The following HK1 variants were observed in gnomAD, a reference collection of about 807,000 sequenced individuals.
HK1 encodes the protein hexokinase 1, also known as hexokinase-1.
Under a neutral mutation model 91.6 loss-of-function variants are expected in HK1, and 28 were observed. The observed-to-expected ratio is 0.31, with a 90% CI of 0.23 to 0.42. The LOEUF (loss-of-function observed/expected upper bound fraction) is 0.42, where lower values mean the gene tolerates loss of function less well. HK1 is among the 10% of genes least tolerant of loss of function. The pLI, the probability that HK1 is intolerant of heterozygous loss-of-function variation, is 1.00. For synonymous variants in HK1, 430 were observed against 468.1 expected, an observed-to-expected ratio of 0.92 and a Z score of 1.05; for missense variants, 770 against 1,219.8, an observed-to-expected ratio of 0.63 and a Z score of 5.49.
intron 5 of HK1, among the ~76,000 whole-genome samples, chr10:69,307,994 C>A (rs1163888039): frequency 6.6e-6 from 1 of 151,952 alleles, no homozygotes; most frequent in Non-Finnish European, 1.5e-5. Flanking sequence ...GCACACCACA[C>A]GCCCAGCTAA....
chr10:69,276,138 T>TATTTATATATATATATACAC (rs753204633), intron 1 of HK1, among the ~76,000 whole-genome samples: 1 of 76,458 alleles, frequency 1.3e-5, no homozygotes, highest in Non-Finnish European at 2.6e-5. Flanking sequence ...TATATATATA[T>TATTTATATATATATATACAC]ACACATATAT....
rs1019237766 is a variant in HK1, at chr10:69,350,274, C to T, written c.226+6285C>T. Among the ~76,000 whole-genome samples the T allele has an allele frequency of 2.6e-5, 4 of 152,302 alleles. No individual in the cohort carries two copies. The East Asian group carries it at 7.7e-4, about 29-fold the overall frequency. ...TGGAGCTGGAGTGGGGATTCAGCCC[C>T]ACTTCCAACCTCATAGGTGAAAAAT... is the stretch of plus-strand genomic sequence containing the variant. On this transcript the variant is annotated intron_variant, in intron 2 of 17. Transcript: ENST00000359426.
At chr10:69,288,326 TTGAC>T (rs1210083622) in intron 2 of HK1, among the ~76,000 whole-genome samples, 2 of 152,024 alleles carry the variant, frequency 1.3e-5, no homozygotes, top group African/African-American at 4.8e-5. Flanking sequence ...GCCAGAAACC[TTGAC>T]TGGGTGCAGT....
At chr10:69,387,530 G>A (rs1031398873) in intron 13 of HK1, among the ~76,000 whole-genome samples, 1 of 113,334 alleles carries the variant, frequency 8.8e-6, no homozygotes, top group African/African-American at 2.9e-5. Flanking sequence ...CAAGCAATCT[G>A]CTCGCCTTGG....
chr10:69,369,313 A>G lies in HK1; in HGVS notation c.668A>G (p.His223Arg), dbSNP rs1204816345. 6.2e-7 allele frequency: 1 copy of G among 1,614,056 alleles called. No individual in the cohort carries two copies. The highest frequency in any genetic ancestry group is 8.5e-7 in the Non-Finnish European group (1 of 1,179,982). ...ATGACCTGTGGCTATGACGACCAGC[A>G]CTGTGAAGTCGGCCTGATCATCGGT... ...TMMTCGYDDQ[H>R]CEVGLIIGTG... The change falls in exon 6 of 18, where the codon CAC becomes CGC. Residue 223 changes from histidine to arginine, a missense_variant. Coordinates refer to ENST00000359426, the MANE Select transcript of HK1 (RefSeq NM_000188.3). The surrounding 1 kb of genome is among the most constrained non-coding windows in gnomAD (Gnocchi z 4.4).
intron 1 of HK1, among the ~76,000 whole-genome samples, chr10:69,322,364 T>G (rs1174711981): frequency 6.6e-6 from 1 of 152,126 alleles, no homozygotes; most frequent in Non-Finnish European, 1.5e-5. Flanking sequence ...GTTGAAACAG[T>G]TCAGGTGTCT....
intron 17 of HK1, among the ~76,000 whole-genome samples, chr10:69,399,466 C>G (rs992908062): frequency 6.6e-5 from 10 of 152,282 alleles, no homozygotes; most frequent in South Asian, 4.1e-4. Flanking sequence ...GAGCCCAGAT[C>G]ACGCCACTGT....
chr10:69,304,690 G>A (rs1846028759), intron 5 of HK1, among the ~76,000 whole-genome samples: 1 of 152,172 alleles, frequency 6.6e-6, no homozygotes, highest in African/African-American at 2.4e-5. Flanking sequence ...ACAGCTTGGA[G>A]GTTAAAAGCA....
At position 69,318,904 on chromosome 10, in the gene HK1, C is replaced by T; in HGVS notation, c.-44C>T. 6.4e-7 allele frequency: 1 copy of T among 1,554,298 alleles called. No homozygotes were observed. The highest frequency in any genetic ancestry group is 2.2e-4 in the Middle Eastern group (1 of 4,510). ...CACGGCTCGCCAGGGCTGCGGAGGA[C>T]CGACCGTCCCCACGCCTGCCGCCCC... On this transcript the variant is annotated 5_prime_UTR_variant, in exon 1 of 18. Transcript: ENST00000359426.
At chr10:69,293,319 C>T (rs910644584) in intron 3 of HK1, among the ~76,000 whole-genome samples, 10 of 152,190 alleles carry the variant, frequency 6.6e-5, no homozygotes, top group African/African-American at 2.4e-4. Flanking sequence ...CCTCAGTTCA[C>T]CTCCAATAGG....
chr10:69,354,841 G>C (rs1364957524), intron 2 of HK1, among the ~76,000 whole-genome samples: 1 of 152,126 alleles, frequency 6.6e-6, no homozygotes, highest in Non-Finnish European at 1.5e-5. Flanking sequence ...GCCAAGGCAG[G>C]TGGATCACCT....
chr10:69,285,409 G>C (rs988369316), intron 2 of HK1, among the ~76,000 whole-genome samples: 2 of 152,096 alleles, frequency 1.3e-5, no homozygotes, highest in Non-Finnish European at 2.9e-5. Flanking sequence ...GGGCGACAGA[G>C]AGAGATTCCA....
chr10:69,325,382 G>T (rs545077011), intron 1 of HK1, among the ~76,000 whole-genome samples: 1 of 147,258 alleles, frequency 6.8e-6, no homozygotes, highest in Non-Finnish European at 1.5e-5. Context: ...TTTTGAGATG[G>T]AGTTCTGCTC....
chr10:69,295,736 G>C lies in HK1; in HGVS notation c.-67+56G>C, dbSNP rs370341027. The C allele has an allele frequency of 2.0e-4, 223 of 1,122,732 alleles. 1 individual carries two copies. In the African/African-American group the frequency reaches 3.2e-3, roughly 16 times the overall value. The allele number at this position is 1,122,732 out of a possible 1,614,324, so 69.5% of individuals were successfully genotyped here. On this transcript the variant is annotated intron_variant, in intron 4 of 21. Coordinates refer to the HK1 transcript ENST00000360289. Reference sequence around the variant, plus strand: ...TCTGTAACATTTTCTGTAAAAGATAGTGCGTGGCAATCCCCTTTGGGATAA... The same window carrying C: ...TCTGTAACATTTTCTGTAAAAGATACTGCGTGGCAATCCCCTTTGGGATAA...
chr10:69,318,005 G>T (rs1846737534), upstream of HK1: 1 of 971,934 alleles, frequency 1.0e-6, no homozygotes, highest in Admixed American at 6.2e-5. Context: ...CCAAGTCCCA[G>T]TGGGCCTGGA....
At chr10:69,399,159 G>A (rs559135719) in intron 17 of HK1, among the ~76,000 whole-genome samples, 1 of 152,284 alleles carries the variant, frequency 6.6e-6, no homozygotes, top group East Asian at 1.9e-4. Context: ...TCACTCATAA[G>A]CCTGGTGAGC....
chr10:69,296,134 A>T (rs769631120), intron 4 of HK1: 1 of 194,086 alleles, frequency 5.2e-6, no homozygotes, highest in Non-Finnish European at 1.1e-5. Flanking sequence ...GACATATCCC[A>T]TTTAGCCCCA....
intron 1 of HK1, among the ~76,000 whole-genome samples, chr10:69,280,187 CTG>C (rs778684463): frequency 7.2e-5 from 11 of 152,250 alleles, no homozygotes; most frequent in Middle Eastern, 3.4e-3. Flanking sequence ...TCTCGGCTCA[CTG>C]TAAGCTCCGC....
chr10:69,276,090 C>CAAAAAAAAAAAAAAAAAAAAAAAA (rs60324656), intron 1 of HK1, among the ~76,000 whole-genome samples: 1 of 15,932 alleles, frequency 6.3e-5, no homozygotes, highest in African/African-American at 2.1e-4. Context: ...AACTCCTTTT[C>CAAAAAAAAAAAAAAAAAAAAAAAA]AAAAAAAAAA....
Sources: gnomAD v4.1 joint callset for allele counts (sites outside exome capture counted in the v4.1 genomes callset) on GRCh38, gnomAD v4.1.1 for gene constraint, Gnocchi (gnomAD v3.1) non-coding constraint, MANE v1.5 for transcripts, NCBI Gene and HGNC (gene_info 2026-07-23, HGNC 2026-07-21) for gene names.